Variants in ERO1A observed in about 807,000 individuals in gnomAD.
ERO1A encodes ERO1-like protein alpha.
Under a neutral mutation model 76.9 loss-of-function variants are expected in ERO1A, and 49 were observed. The observed-to-expected ratio is 0.64, with a 90% confidence interval of 0.51 to 0.81. The LOEUF (loss-of-function observed/expected upper bound fraction) is 0.81, where lower values mean the gene tolerates loss of function less well. ERO1A is among the 30% of genes least tolerant of loss of function. The pLI is 0.00. For missense variants in ERO1A, 448 were observed against 542.1 expected (o/e 0.83, Z 1.72); for synonymous variants, 174 against 181.2 (o/e 0.96, Z 0.32).
intron 11 of ERO1A, among the ~76,000 whole-genome samples, chr14:52,656,615 G>T (rs549613154): frequency 7.9e-5 from 12 of 151,224 alleles, no homozygotes; most frequent in Middle Eastern, 3.4e-3. Context: ...AGGAGGCTGA[G>T]GCAGGAGAAT....
chr14:52,656,016 C>T (rs1594822032), intron 11 of ERO1A, among the ~76,000 whole-genome samples: 1 of 152,254 alleles, frequency 6.6e-6, no homozygotes, highest in East Asian at 1.9e-4. Context: ...GTGACATTGT[C>T]AGCATTTTTC....
At chr14:52,693,060 C>T (rs944808676) in intron 1 of ERO1A, among the ~76,000 whole-genome samples, 1 of 125,306 alleles carries the variant, frequency 8.0e-6, no homozygotes, top group Non-Finnish European at 1.6e-5. Context: ...AATAAGTAGA[C>T]CATTCTAAAT....
At chr14:52,668,761 A>T (rs2040499444) in intron 6 of ERO1A, among the ~76,000 whole-genome samples, 1 of 148,418 alleles carries the variant, frequency 6.7e-6, no homozygotes, top group Non-Finnish European at 1.5e-5. Context: ...TTATATTACA[A>T]ATCTTATAAT....
chr14:52,653,550 TTAA>T (rs1438899187), intron 11 of ERO1A, among the ~76,000 whole-genome samples: 1 of 151,918 alleles, frequency 6.6e-6, no homozygotes, highest in Non-Finnish European at 1.5e-5. Context: ...GCAAGTCTTA[TTAA>T]TAATAAAAAT....
chr14:52,671,059 C>T lies in ERO1A; in HGVS notation c.508+571G>A, dbSNP rs191975049. ...TCTACTTTCTGTCTCCATGAATTTG[C>T]CCATTGTTTACATTTCATATAAGTG... On this transcript the variant is annotated intron_variant, in intron 6 of 15. Coordinates refer to ENST00000395686, the MANE Select transcript of ERO1A (RefSeq NM_014584.3). Among the ~76,000 whole-genome samples the T allele has an allele frequency of 2.6e-5, 4 of 152,270 alleles. No individual in the cohort carries two copies. The East Asian group carries it at 7.7e-4, about 29-fold the overall frequency.
chr14:52,693,780 G>A lies in ERO1A; in HGVS notation c.114+1588C>T, dbSNP rs576988531. ...CCCAAAGTGCTGGGATTACAGGCTG[G>A]AGCCACCACACCCAGCCCAATTTAC... On this transcript the variant is annotated intron_variant, in intron 1 of 15. Transcript: ENST00000395686. Among the ~76,000 whole-genome samples, 21 of 152,112 alleles carry A rather than the reference G, an allele frequency of 1.4e-4. No individual in the cohort carries two copies. In the East Asian group the frequency reaches 4.0e-3, roughly 29 times the overall value.
chr14:52,655,287 T>A (rs1421960919), intron 11 of ERO1A, among the ~76,000 whole-genome samples: 3 of 151,708 alleles, frequency 2.0e-5, no homozygotes, highest in Non-Finnish European at 4.4e-5. Context: ...ATTGCTTGAA[T>A]CCTGGAGGCA....
intron 4 of ERO1A, among the ~76,000 whole-genome samples, chr14:52,677,754 T>G (rs2040842680): frequency 6.7e-6 from 1 of 149,710 alleles, no homozygotes; most frequent in Non-Finnish European, 1.5e-5. Context: ...TCTCAGCTAC[T>G]CGGAAAGCTG....
At chr14:52,694,884 C>A (rs1035712457) in intron 1 of ERO1A, among the ~76,000 whole-genome samples, 4 of 152,108 alleles carry the variant, frequency 2.6e-5, no homozygotes, top group African/African-American at 9.7e-5. Context: ...ACAGAAAAAC[C>A]GCAAGCAGCC....
chr14:52,671,983 T>A, intron 4 of ERO1A, 112 bp from the exon 5 acceptor site: 1 of 772,146 alleles, frequency 1.3e-6, no homozygotes, highest in Non-Finnish European at 2.0e-6. Flanking sequence ...TCCAATATGT[T>A]CTTATTGCTT....
At chr14:52,652,141 C>T (rs1384825206) in intron 13 of ERO1A, 98 bp downstream of exon 13, 8 of 720,628 alleles carry the variant, frequency 1.1e-5, no homozygotes, top group African/African-American at 1.1e-4. Context: ...CTACTCTCTA[C>T]TTCTATGGCC....
intron 2 of ERO1A, among the ~76,000 whole-genome samples, chr14:52,682,618 G>T (rs2041035385): frequency 6.6e-6 from 1 of 152,204 alleles, no homozygotes; most frequent in East Asian, 1.9e-4. Context: ...CACAGACTGG[G>T]CCGGGCACAG....
chr14:52,645,301 A>ATT (rs1301208967), intron 15 of ERO1A, among the ~76,000 whole-genome samples: 11 of 135,304 alleles, frequency 8.1e-5, no homozygotes, highest in African/African-American at 3.3e-4. Context: ...ACATATACAC[A>ATT]CTTTTTTTTT....
At chr14:52,655,777 AT>A (rs1555352605) in intron 11 of ERO1A, among the ~76,000 whole-genome samples, 1 of 149,808 alleles carries the variant, frequency 6.7e-6, no homozygotes, top group Non-Finnish European at 1.5e-5. Context: ...AGATTAAACC[AT>A]TTTCTGGGTT....
At chr14:52,690,331 C>A (rs2041313397) in intron 1 of ERO1A, among the ~76,000 whole-genome samples, 1 of 152,120 alleles carries the variant, frequency 6.6e-6, no homozygotes, top group Non-Finnish European at 1.5e-5. Flanking sequence ...AATGAAAAGG[C>A]AACCTACAGA....
In ERO1A at chr14:52,641,103, T is replaced by TTAAAG. The variant is rs1198727563; in HGVS notation, c.*2462_*2466dup. The TTAAAG allele has an allele frequency of 6.6e-6, 1 of 152,102 alleles. No homozygotes were observed. The highest frequency in any genetic ancestry group is 1.5e-5 in the Non-Finnish European group (1 of 68,038). The allele number at this position is 152,102 out of a possible 1,614,324, so 9.4% of individuals were successfully genotyped here. A position where few individuals can be genotyped will look rare whatever the true frequency, so the allele number is the denominator to read the frequency against. On this transcript the variant is annotated 3_prime_UTR_variant, in exon 16 of 16. Transcript: ENST00000395686. Reference sequence around the variant, plus strand: ...TGTAAGAAGTCAAGGGAATAAATCTTTAAAGTAGGGGTTGTCAAAAATGTC... The same window carrying TTAAAG: ...TGTAAGAAGTCAAGGGAATAAATCTTTAAAGTAAAGTAGGGGTTGTCAAAAATGTC...
chr14:52,694,331 C>T (rs1317075230), intron 1 of ERO1A, among the ~76,000 whole-genome samples: 2 of 151,992 alleles, frequency 1.3e-5, no homozygotes, highest in Non-Finnish European at 2.9e-5. Flanking sequence ...CCTTAGTTTC[C>T]TAGATAACAC....
Position 52,657,980 on chromosome 14 carries a change from T to G in ERO1A, c.745A>C (p.Arg249=). Residue 249 remains arginine, a synonymous_variant, in exon 11 of 16, where the codon AGA becomes CGA. Transcript: ENST00000395686. The part of the protein sequence containing the change: ...GLCVEKRAFY[R]LISGLHASIN... ...CTTGCATGTAGGCCAGATATAAGTC[T>G]GTAGAATGCTCTTTTTTCTACACAG... 3 of 1,611,930 alleles carry G rather than the reference T, an allele frequency of 1.9e-6. No individual in the cohort carries two copies. Among genetic ancestry groups the G allele is most frequent in the Non-Finnish European group, 2.5e-6 (3 of 1,179,130 alleles).
At chr14:52,654,923 T>C (rs1392149581) in intron 11 of ERO1A, among the ~76,000 whole-genome samples, 1 of 152,206 alleles carries the variant, frequency 6.6e-6, no homozygotes, top group African/African-American at 2.4e-5. Context: ...GGTATTTATT[T>C]AATGCATTCA....
Sources: gnomAD v4.1 joint callset for allele counts (sites outside exome capture counted in the v4.1 genomes callset) on GRCh38, gnomAD v4.1.1 for gene constraint, MANE v1.5 for transcripts, NCBI Gene and HGNC (gene_info 2026-07-23, HGNC 2026-07-21) for gene names.